The following FLT1 variants were observed in gnomAD, a reference collection of about 807,000 sequenced individuals.
FLT1 encodes the protein vascular endothelial growth factor receptor 1.
FLT1 carries 49 observed loss-of-function variants against 156.3 expected under a neutral mutation model. The observed-to-expected ratio is 0.31, with a 90% CI of 0.25 to 0.40. The LOEUF is 0.40. FLT1 is among the 10% of genes least tolerant of loss of function. The pLI, the probability that FLT1 is intolerant of heterozygous loss-of-function variation, is 1.00. For missense variants in FLT1, 1,322 were observed against 1,637.2 expected (o/e 0.81, Z 3.32); for synonymous variants, 594 against 583.8 (o/e 1.02, Z -0.25).
intron 15 of FLT1, chr13:28,346,307 A>G (rs1872564497): frequency 6.6e-6 from 1 of 152,348 alleles, no homozygotes; most frequent in Non-Finnish European, 1.5e-5. Flanking sequence ...CCATGCCTCC[A>G]GAGAGGGAAC....
intron 1 of FLT1, among the ~76,000 whole-genome samples, chr13:28,481,157 G>A (rs575962240): frequency 2.6e-4 from 40 of 152,188 alleles, no homozygotes; most frequent in Non-Finnish European, 4.3e-4. Flanking sequence ...ACTATCTTCT[G>A]TGCTGTTTGG....
chr13:28,327,681 G>C, intron 19 of FLT1, 131 bp from the exon 20 acceptor site: 3 of 681,598 alleles, frequency 4.4e-6, no homozygotes, highest in Non-Finnish European at 8.1e-6. Flanking sequence ...ATGCGATTTA[G>C]GGATGAGAGG....
At chr13:28,445,543 A>T (rs1878569374) in intron 3 of FLT1, among the ~76,000 whole-genome samples, 1 of 152,192 alleles carries the variant, frequency 6.6e-6, no homozygotes, top group East Asian at 1.9e-4. Context: ...TTATAATTAT[A>T]TGCCATTACA....
At chr13:28,405,328 A>G (rs1875719309) in intron 11 of FLT1, among the ~76,000 whole-genome samples, 1 of 152,196 alleles carries the variant, frequency 6.6e-6, no homozygotes, top group South Asian at 2.1e-4. Context: ...AAATAGAAAC[A>G]TTCAGTTTTA....
chr13:28,474,625 G>A (rs926471407), intron 1 of FLT1, among the ~76,000 whole-genome samples: 3 of 152,068 alleles, frequency 2.0e-5, no homozygotes, highest in African/African-American at 7.2e-5. Context: ...GCAAATCCTG[G>A]AGACAGGAAG....
intron 10 of FLT1, among the ~76,000 whole-genome samples, chr13:28,426,739 T>C (rs756415761): frequency 5.3e-5 from 8 of 152,138 alleles, no homozygotes; most frequent in Non-Finnish European, 1.0e-4. Flanking sequence ...GGAAACATAG[T>C]GATCACTGGT....
At chr13:28,433,796 A>T in intron 6 of FLT1, 23 bp downstream of exon 6, 1 of 1,611,680 alleles carries the variant, frequency 6.2e-7, no homozygotes, top group Non-Finnish European at 8.5e-7. Flanking sequence ...CCTGCAGAAG[A>T]AATAGAAAAA....
At chr13:28,432,110 C>T (rs1288139178) in intron 6 of FLT1, among the ~76,000 whole-genome samples, 1 of 151,968 alleles carries the variant, frequency 6.6e-6, no homozygotes, top group African/African-American at 2.4e-5. Context: ...ATTGCCGTCT[C>T]CTTTTTTTTT....
chr13:28,368,703 CT>C (rs34319914), intron 14 of FLT1: 91,316 of 549,644 alleles, frequency 0.17, 16 homozygotes, highest in Middle Eastern at 0.25. Flanking sequence ...AGATTGGCAG[CT>C]TTTTTTTTTT....
intron 14 of FLT1, among the ~76,000 whole-genome samples, chr13:28,366,431 G>A (rs1309569005): frequency 1.3e-5 from 2 of 151,170 alleles, no homozygotes; most frequent in Admixed American, 1.3e-4. Context: ...ACATTTGCTT[G>A]TTCTTTAATA....
At chr13:28,402,022 C>G (rs931115461) in intron 11 of FLT1, among the ~76,000 whole-genome samples, 1 of 152,128 alleles carries the variant, frequency 6.6e-6, no homozygotes, top group Non-Finnish European at 1.5e-5. Flanking sequence ...TTAGACAATA[C>G]GAAAGTGCAC....
intron 10 of FLT1, among the ~76,000 whole-genome samples, chr13:28,418,278 T>A (rs1876773378): frequency 6.6e-6 from 1 of 152,102 alleles, no homozygotes; most frequent in Admixed American, 6.6e-5. Flanking sequence ...CAGCTGTAGG[T>A]CATCACTGGT....
chr13:28,415,387 A>G (rs974538608), intron 10 of FLT1, among the ~76,000 whole-genome samples: 5 of 152,168 alleles, frequency 3.3e-5, no homozygotes, highest in African/African-American at 7.2e-5. Flanking sequence ...AGGCTGAGGT[A>G]GGATAATTGC....
Position 28,430,186 on chromosome 13 carries a change from TAC to T in FLT1, c.989-21_989-20del. 1 of 1,524,860 alleles carries T rather than the reference TAC, an allele frequency of 6.6e-7. No homozygotes were observed. The highest frequency in any genetic ancestry group is 9.1e-7 in the Non-Finnish European group (1 of 1,098,630). 94.5% of individuals were successfully genotyped at this position (1,524,860 alleles called of 1,614,324 possible). A position where few individuals can be genotyped will look rare whatever the true frequency, so the allele number is the denominator to read the frequency against. On this transcript the variant is annotated intron_variant, in intron 7 of 29. Coordinates refer to ENST00000282397, the MANE Select transcript of FLT1 (RefSeq NM_002019.4). ...GCTTTATCTTTGAAAGGAGAAGTGATACATACATTAGAAAAGAATAATTTCCA... is the reference window on the plus strand; with the variant it reads ...GCTTTATCTTTGAAAGGAGAAGTGATATACATTAGAAAAGAATAATTTCCA...
intron 1 of FLT1, among the ~76,000 whole-genome samples, chr13:28,468,340 G>A (rs1014385301): frequency 6.6e-6 from 1 of 151,890 alleles, no homozygotes; most frequent in Non-Finnish European, 1.5e-5. Flanking sequence ...AGGCAATAAA[G>A]TGAGGTGGTG....
intron 13 of FLT1, chr13:28,386,464 C>CA (rs1235228135): frequency 1.9e-6 from 2 of 1,044,986 alleles, no homozygotes; most frequent in South Asian, 4.6e-5. Flanking sequence ...AATCTGAAGG[C>CA]AAAAAAGTGT....
intron 15 of FLT1, among the ~76,000 whole-genome samples, chr13:28,348,779 G>T (rs1872646659): frequency 6.6e-6 from 1 of 152,140 alleles, no homozygotes; most frequent in Non-Finnish European, 1.5e-5. Context: ...CATGGTGGCA[G>T]GCGCCTGTAG....
intron 14 of FLT1, among the ~76,000 whole-genome samples, chr13:28,373,739 A>G (rs545405181): frequency 6.6e-6 from 1 of 152,308 alleles, no homozygotes; most frequent in East Asian, 1.9e-4. Context: ...TCTCACTCTA[A>G]GAGCCCAGGC....
At chr13:28,473,442 C>T (rs183482853) in intron 1 of FLT1, among the ~76,000 whole-genome samples, 27 of 151,558 alleles carry the variant, frequency 1.8e-4, no homozygotes, top group African/African-American at 6.6e-4. Context: ...GTCAGGAGTT[C>T]GAGGCCAGCC....
Sources: gnomAD v4.1 joint callset for allele counts (sites outside exome capture counted in the v4.1 genomes callset) on GRCh38, gnomAD v4.1.1 for gene constraint, MANE v1.5 for transcripts, NCBI Gene and HGNC (gene_info 2026-07-23, HGNC 2026-07-21) for gene names.